SBF2: variants seen among roughly 807,000 people sequenced by gnomAD.
The protein encoded by SBF2 is myotubularin-related protein 13.
Under a neutral mutation model 225.2 loss-of-function variants are expected in SBF2, and 112 were observed. That is an observed-to-expected ratio of 0.50 (90% CI 0.43 to 0.58). The LOEUF is 0.58. Ranked by LOEUF, SBF2 falls within the 20% of genes least tolerant of loss-of-function variation. SBF2 has a pLI of 0.00. For synonymous variants in SBF2, 763 were observed against 773.3 expected (o/e 0.99, Z 0.22); for missense variants, 1,996 against 2,206.2 (o/e 0.90, Z 1.91).
chr11:10,231,221 T>A (rs577944245), intron 1 of SBF2, among the ~76,000 whole-genome samples: 32 of 152,274 alleles, frequency 2.1e-4, no homozygotes, highest in African/African-American at 7.7e-4. Flanking sequence ...CTAATGTTTT[T>A]CTCAAGGTTT....
In SBF2 at chr11:9,807,996, T is replaced by G; in HGVS notation, c.4443+4A>C. On this transcript the variant is annotated splice_donor_region_variant and intron_variant, in intron 32 of 39. Transcript: ENST00000256190. ...TCAAGTCAACTCAAGCTTGCTCTAC[T>G]TACCTGGTGTACACAGTCTAAGAAC... The G allele has an allele frequency of 6.2e-7, 1 of 1,613,886 alleles. No homozygotes were observed. Among genetic ancestry groups the G allele is most frequent in the Non-Finnish European group, 8.5e-7 (1 of 1,179,822 alleles).
At chr11:10,176,789 T>C (rs1418569551) in intron 2 of SBF2, among the ~76,000 whole-genome samples, 1 of 152,212 alleles carries the variant, frequency 6.6e-6, no homozygotes, top group Non-Finnish European at 1.5e-5. Context: ...CCAATCCCTC[T>C]GAAACTATTC....
At chr11:10,295,649 C>T (rs985499160), upstream of SBF2, among the ~76,000 whole-genome samples, 2 of 151,844 alleles carry the variant, frequency 1.3e-5, no homozygotes, top group African/African-American at 4.8e-5. Context: ...TCCCTGAGAG[C>T]TCATCATCCA....
At chr11:10,185,310 ATTT>A (rs544010156) in intron 2 of SBF2, among the ~76,000 whole-genome samples, 20 of 152,148 alleles carry the variant, frequency 1.3e-4, no homozygotes, top group Non-Finnish European at 2.6e-4. Flanking sequence ...TCATATGGTA[ATTT>A]TATTTTCAAT....
chr11:10,225,272 A>T (rs1009951003), intron 1 of SBF2, among the ~76,000 whole-genome samples: 1 of 152,080 alleles, frequency 6.6e-6, no homozygotes, highest in African/African-American at 2.4e-5. Flanking sequence ...TATTATTGGT[A>T]TTTAACTGTT....
rs568979988 is a variant in SBF2 at position 9,826,790 on chromosome 11, T to A, written c.3793+2566A>T. On this transcript the variant is annotated intron_variant, in intron 28 of 39. Transcript: ENST00000256190. ...ATGTATATATATACACACACACTTT[T>A]GTTTATTTTTTGAGATGGAGTTTTG... Among the ~76,000 whole-genome samples the A allele has an allele frequency of 4.6e-5, 7 of 152,040 alleles. No homozygotes were observed. The South Asian group carries it at 1.5e-3, about 32-fold the overall frequency.
At position 10,131,758 on chromosome 11, in the gene SBF2, A is replaced by G. The variant is rs191231007; in HGVS notation, c.141+62144T>C. Among the ~76,000 whole-genome samples, 386 of 152,114 alleles carry G rather than the reference A, an allele frequency of 2.5e-3. 4 individuals carry two copies. Among genetic ancestry groups the G allele is most frequent in the African/African-American group, 8.9e-3 (369 of 41,488 alleles). Reference sequence around the variant, plus strand: ...GCCCGGCCAAGAGAGTTCTTTATCTATTCTATATACAAGTCTTTTGTCAGG... The same window carrying G: ...GCCCGGCCAAGAGAGTTCTTTATCTGTTCTATATACAAGTCTTTTGTCAGG... On this transcript the variant is annotated intron_variant, in intron 2 of 39. Coordinates refer to ENST00000256190, the MANE Select transcript of SBF2 (RefSeq NM_030962.4).
intron 1 of SBF2, among the ~76,000 whole-genome samples, chr11:10,199,609 A>G (rs1025060366): frequency 6.6e-6 from 1 of 152,224 alleles, no homozygotes; most frequent in Non-Finnish European, 1.5e-5. Flanking sequence ...CTGTCTATAA[A>G]AAGGAGATTT....
chr11:10,122,850 C>A (rs933103633), intron 2 of SBF2, among the ~76,000 whole-genome samples: 2 of 152,136 alleles, frequency 1.3e-5, no homozygotes, highest in Non-Finnish European at 2.9e-5. Flanking sequence ...GAGTAGATTA[C>A]AAGAATTGAA....
chr11:9,908,618 C>A (rs576622498), intron 16 of SBF2, among the ~76,000 whole-genome samples: 1 of 152,046 alleles, frequency 6.6e-6, no homozygotes, highest in Non-Finnish European at 1.5e-5. Flanking sequence ...CAGAGCGAGA[C>A]TCCGTCTCAA....
In SBF2 at chr11:9,998,211, T is replaced by C. The variant is rs974527838; in HGVS notation, c.975+55A>G. 10 of 1,027,582 alleles carry C rather than the reference T, an allele frequency of 9.7e-6. No individual in the cohort carries two copies. In the African/African-American group the frequency reaches 1.3e-4, roughly 13 times the overall value. 63.7% of individuals were successfully genotyped at this position (1,027,582 alleles called of 1,614,324 possible). On this transcript the variant is annotated intron_variant, in intron 9 of 39. Coordinates refer to ENST00000256190, the MANE Select transcript of SBF2 (RefSeq NM_030962.4). ...TGACAAACATTTTTAATTTTAGCTA[T>C]CTTAGCTTCAGATTTAAATAAAGAG...
intron 27 of SBF2, among the ~76,000 whole-genome samples, chr11:9,831,372 C>T (rs748927387): frequency 1.3e-5 from 2 of 152,212 alleles, no homozygotes; most frequent in Non-Finnish European, 2.9e-5. Flanking sequence ...TAGTAAACAG[C>T]CAATTGCCTT....
At chr11:10,066,755 T>C (rs1950638944) in intron 2 of SBF2, among the ~76,000 whole-genome samples, 1 of 152,150 alleles carries the variant, frequency 6.6e-6, no homozygotes, top group Non-Finnish European at 1.5e-5. Context: ...AACTTTGTGC[T>C]CCAGGTTCTA....
At chr11:10,198,823 C>CG (rs1350223417) in intron 1 of SBF2, among the ~76,000 whole-genome samples, 1 of 152,204 alleles carries the variant, frequency 6.6e-6, no homozygotes, top group Non-Finnish European at 1.5e-5. Flanking sequence ...ACCTCATGAA[C>CG]CAACCTCCAG....
chr11:10,090,783 A>AAAAAAAAAAAAAAAC (rs1951751794), intron 2 of SBF2, among the ~76,000 whole-genome samples: 2 of 150,462 alleles, frequency 1.3e-5, no homozygotes, highest in Non-Finnish European at 3.0e-5. Flanking sequence ...AAAAAAAAAA[A>AAAAAAAAAAAAAAAC]AAGCTATTAG....
At chr11:9,976,894 C>T (rs937777828) in intron 13 of SBF2, among the ~76,000 whole-genome samples, 4 of 151,858 alleles carry the variant, frequency 2.6e-5, no homozygotes, top group East Asian at 2.0e-4. Flanking sequence ...TCAGCCTCTC[C>T]GAGTAGCTGG....
At chr11:10,293,840 C>A (rs573115445) in intron 1 of SBF2, among the ~76,000 whole-genome samples, 175 bp downstream of exon 1, 3 of 152,176 alleles carry the variant, frequency 2.0e-5, no homozygotes, top group South Asian at 4.2e-4. Flanking sequence ...CCGGCCCCCC[C>A]ACGCCCACCG....
rs545142826 is a variant in SBF2 at position 10,094,931 on chromosome 11, C to T, written c.142-51950G>A. Among the ~76,000 whole-genome samples, 13 of 151,684 alleles carry T rather than the reference C, an allele frequency of 8.6e-5. No individual in the cohort carries two copies. In the South Asian group the frequency reaches 2.5e-3, roughly 29 times the overall value. ...TAAAAAAAAATAAAAAGGAATCCCACACAATCACATTTTTAAACAGCATAG... is the reference window on the plus strand; with the variant it reads ...TAAAAAAAAATAAAAAGGAATCCCATACAATCACATTTTTAAACAGCATAG... On this transcript the variant is annotated intron_variant, in intron 2 of 39. Coordinates refer to ENST00000256190, the MANE Select transcript of SBF2 (RefSeq NM_030962.4).
At chr11:9,861,102 C>T (rs899380977) in intron 17 of SBF2, among the ~76,000 whole-genome samples, 2 of 152,166 alleles carry the variant, frequency 1.3e-5, no homozygotes, top group African/African-American at 4.8e-5. Flanking sequence ...ACTGGTTGAG[C>T]ATTCTAAATC....
Sources: gnomAD v4.1 joint callset for allele counts (sites outside exome capture counted in the v4.1 genomes callset) on GRCh38, gnomAD v4.1.1 for gene constraint, MANE v1.5 for transcripts, NCBI Gene and HGNC (gene_info 2026-07-23, HGNC 2026-07-21) for gene names.